The following CGNL1 variants were observed in gnomAD, a reference collection of about 807,000 sequenced individuals.
CGNL1 encodes the protein cingulin-like protein 1.
In CGNL1, 132 loss-of-function variants were observed where a neutral mutation model predicts 141.2. The ratio of observed to expected loss-of-function variants is 0.93; its 90% CI spans 0.81 to 1.08. The LOEUF is 1.08. Ranked by LOEUF, CGNL1 falls within the 50% of genes least tolerant of loss-of-function variation. The pLI is 0.00. For missense variants in CGNL1, 1,870 were observed against 1,588.6 expected (o/e 1.18, Z -3.01); for synonymous variants, 690 against 622.1 (o/e 1.11, Z -1.63).
chr15:57,461,344 C>G (rs1387996827), intron 7 of CGNL1, among the ~76,000 whole-genome samples: 2 of 152,152 alleles, frequency 1.3e-5, no homozygotes, highest in Non-Finnish European at 2.9e-5. Flanking sequence ...AGGGCAAGAG[C>G]AAGGGCAACA....
chr15:57,429,179 C>A (rs1385184990), intron 1 of CGNL1, among the ~76,000 whole-genome samples: 1 of 152,150 alleles, frequency 6.6e-6, no homozygotes, highest in Non-Finnish European at 1.5e-5. Flanking sequence ...AAGGTATGCC[C>A]TGAGTTTGAG....
At chr15:57,455,561 C>T (rs190616045) in intron 7 of CGNL1, among the ~76,000 whole-genome samples, 1 of 152,180 alleles carries the variant, frequency 6.6e-6, no homozygotes, top group Non-Finnish European at 1.5e-5. Flanking sequence ...CTTCTGCTAG[C>T]CAGCTAATTC....
At chr15:57,483,837 T>A (rs2063756270) in intron 8 of CGNL1, among the ~76,000 whole-genome samples, 2 of 152,186 alleles carry the variant, frequency 1.3e-5, no homozygotes, top group South Asian at 4.1e-4. Flanking sequence ...CATGAATGGA[T>A]TTTGAGTTTT....
chr15:57,486,824 T>C (rs1005347989), intron 8 of CGNL1, among the ~76,000 whole-genome samples: 14 of 152,192 alleles, frequency 9.2e-5, no homozygotes, highest in African/African-American at 3.1e-4. Flanking sequence ...CTGATTTTGG[T>C]TGGGCCCAAC....
At chr15:57,479,380 G>A (rs1219523205) in intron 8 of CGNL1, among the ~76,000 whole-genome samples, 1 of 152,150 alleles carries the variant, frequency 6.6e-6, no homozygotes, top group Non-Finnish European at 1.5e-5. Context: ...AATGGGCAAA[G>A]GGGCTGGGCA....
intron 8 of CGNL1, among the ~76,000 whole-genome samples, chr15:57,502,225 G>T (rs2064035192): frequency 6.6e-6 from 1 of 152,160 alleles, no homozygotes; most frequent in African/African-American, 2.4e-5. Context: ...GCTCTCGTTT[G>T]GAGGAAGGAC....
chr15:57,534,722 C>G (rs1278076721), intron 14 of CGNL1, among the ~76,000 whole-genome samples: 6 of 152,216 alleles, frequency 3.9e-5, no homozygotes, highest in Non-Finnish European at 8.8e-5. Flanking sequence ...ATCTCCTTAA[C>G]AAGGACATCT....
intron 6 of CGNL1, among the ~76,000 whole-genome samples, chr15:57,453,208 C>T (rs1192819110): frequency 6.6e-6 from 1 of 152,040 alleles, no homozygotes; most frequent in Non-Finnish European, 1.5e-5. Flanking sequence ...AATGGCTGCT[C>T]ATAAATGAAT....
intron 1 of CGNL1, chr15:57,407,350 ATAAG>A: frequency 6.6e-6 from 1 of 152,290 alleles, no homozygotes; most frequent in East Asian, 1.9e-4. Flanking sequence ...AAATGTTTAA[ATAAG>A]TAATTGCGAA....
intron 10 of CGNL1, 45 bp from the exon 11 acceptor site, chr15:57,523,444 C>A (rs751977936): frequency 3.0e-5 from 48 of 1,604,608 alleles, no homozygotes; most frequent in Non-Finnish European, 2.9e-5. Flanking sequence ...CCTGTGGCTA[C>A]CTGGTTAGTA....
At position 57,399,223 on chromosome 15, in the gene CGNL1, T is replaced by C. The variant is rs533554139; in HGVS notation, c.-16+22656T>C. On this transcript the variant is annotated intron_variant, in intron 1 of 18. Transcript: ENST00000281282. ...TGTGAACATTTGAAATCCTATCTTC[T>C]AGCTATCTGAAAATGTACAATAAAT... 9.2e-5 allele frequency among the ~76,000 whole-genome samples: 14 copies of C among 152,366 alleles called. No individual in the cohort carries two copies. In the South Asian group the frequency reaches 2.9e-3, roughly 32 times the overall value.
intron 14 of CGNL1, among the ~76,000 whole-genome samples, chr15:57,533,050 A>T (rs2032042117): frequency 6.6e-6 from 1 of 152,238 alleles, no homozygotes; most frequent in Admixed American, 6.5e-5. Context: ...AGCCCTGCTC[A>T]AAGTAGAACG....
rs2131731 is a variant in CGNL1, at chr15:57,547,633, A to G, written c.*143A>G. ...CAGCATGCCAGCTCCTCAGTGTTAC[A>G]TTCCTCGCCAGGGTCTCTCAGTGGG... On this transcript the variant is annotated 3_prime_UTR_variant, in exon 19 of 19. Coordinates refer to ENST00000281282, the MANE Select transcript of CGNL1 (RefSeq NM_032866.5). 184,309 of 934,570 alleles carry G rather than the reference A, an allele frequency of 0.2. 19,135 individuals carry two copies. Among genetic ancestry groups the G allele is most frequent in the African/African-American group, 0.27 (16,221 of 59,950 alleles). 57.9% of individuals were successfully genotyped at this position (934,570 alleles called of 1,614,324 possible).
intron 13 of CGNL1, chr15:57,529,129 T>A (rs2031800183): frequency 4.9e-6 from 1 of 204,340 alleles, no homozygotes; most frequent in Non-Finnish European, 9.9e-6. Context: ...CTTTTCTGTT[T>A]GTTCTTTGGG....
chr15:57,382,125 G>T (rs975684904), intron 1 of CGNL1, among the ~76,000 whole-genome samples: 1 of 152,156 alleles, frequency 6.6e-6, no homozygotes, highest in Non-Finnish European at 1.5e-5. Flanking sequence ...TGTTTATGTG[G>T]TACTCGCGAC....
chr15:57,462,365 A>G (rs535690017), intron 8 of CGNL1, among the ~76,000 whole-genome samples: 1 of 152,328 alleles, frequency 6.6e-6, no homozygotes, highest in African/African-American at 2.4e-5. Flanking sequence ...TTCTCAGCAC[A>G]GTTACAAGAG....
rs2063149960 is a variant in CGNL1 at position 57,439,176 on chromosome 15, T to C, written c.1177T>C (p.Phe393Leu). Reference protein sequence around the residue: ...RKRSRSVDSAFPFGLQGNSEY... With the variant: ...RKRSRSVDSALPFGLQGNSEY... ...AAGATCCAGAAGCGTGGATAGCGCC[T>C]TTCCTTTTGGCCTCCAAGGGAACTC... Residue 393 changes from phenylalanine to leucine, a missense_variant, in exon 2 of 19, where the codon TTT becomes CTT. By Grantham distance (22) the Phe-to-Leu change is conservative (BLOSUM62 0). Coordinates refer to ENST00000281282, the MANE Select transcript of CGNL1 (RefSeq NM_032866.5). The C allele has an allele frequency of 6.2e-7, 1 of 1,614,078 alleles. No individual in the cohort carries two copies. Among genetic ancestry groups the C allele is most frequent in the African/African-American group, 1.3e-5 (1 of 74,930 alleles).
intron 8 of CGNL1, among the ~76,000 whole-genome samples, chr15:57,469,390 T>C (rs554275778): frequency 1.3e-5 from 2 of 149,338 alleles, no homozygotes; most frequent in South Asian, 4.7e-4. Context: ...GGACGGAGTG[T>C]GAGCGAGTGA....
At chr15:57,535,843 G>A (rs777739452) in intron 14 of CGNL1, among the ~76,000 whole-genome samples, 6 of 152,170 alleles carry the variant, frequency 3.9e-5, no homozygotes, top group East Asian at 1.9e-4. Flanking sequence ...TGTTACCAGG[G>A]CAGAGGACAA....
Sources: gnomAD v4.1 joint callset for allele counts (sites outside exome capture counted in the v4.1 genomes callset) on GRCh38, gnomAD v4.1.1 for gene constraint, MANE v1.5 for transcripts, NCBI Gene and HGNC (gene_info 2026-07-23, HGNC 2026-07-21) for gene names.